OSBP2: variants seen among roughly 807,000 people sequenced by gnomAD.
OSBP2 encodes oxysterol binding protein 2.
Under a neutral mutation model 96.0 loss-of-function variants are expected in OSBP2, and 66 were observed. The observed-to-expected ratio is 0.69, with a 90% CI of 0.56 to 0.84. The LOEUF (loss-of-function observed/expected upper bound fraction) is 0.84. Among genes scored for constraint, OSBP2 ranks in the 40% least tolerant of loss-of-function variants. OSBP2 has a pLI of 0.00. For synonymous variants in OSBP2, 525 were observed against 520.9 expected (o/e 1.01, Z -0.11); for missense variants, 1,038 against 1,222.7 (o/e 0.85, Z 2.25).
intron 12 of OSBP2, among the ~76,000 whole-genome samples, chr22:30,897,952 GAAAAA>G (rs199929883): frequency 9.5e-6 from 1 of 105,388 alleles, no homozygotes; most frequent in Non-Finnish European, 2.0e-5. Flanking sequence ...TCCGTCTCAG[GAAAAA>G]AAAAAAAAAA....
chr22:30,786,602 G>A (rs1052853019), intron 2 of OSBP2, among the ~76,000 whole-genome samples: 1 of 151,834 alleles, frequency 6.6e-6, no homozygotes, highest in African/African-American at 2.4e-5. Context: ...AAAGGGTGAG[G>A]AGGAATTCAC....
At chr22:30,897,872 C>T (rs1047329921) in intron 12 of OSBP2, among the ~76,000 whole-genome samples, 18 of 151,502 alleles carry the variant, frequency 1.2e-4, no homozygotes, top group African/African-American at 4.4e-4. Context: ...ATCGCTTGAA[C>T]CTGGAAGGCA....
chr22:30,740,059 G>A lies in OSBP2; in HGVS notation c.645-1102G>A, dbSNP rs1200573151. On this transcript the variant is annotated intron_variant, in intron 1 of 13. Coordinates refer to ENST00000332585, the MANE Select transcript of OSBP2 (RefSeq NM_030758.4). Reference sequence around the variant, plus strand: ...CGGGATTTCACCATGTTGGCCAGCTGGTCTTGAACTCCTGACCTCGGGTGA... The same window carrying A: ...CGGGATTTCACCATGTTGGCCAGCTAGTCTTGAACTCCTGACCTCGGGTGA... 2.6e-5 allele frequency among the ~76,000 whole-genome samples: 4 copies of A among 152,228 alleles called. No individual in the cohort carries two copies. The South Asian group carries it at 6.2e-4, about 24-fold the overall frequency.
Position 30,695,429 on chromosome 22 carries a change from A to G in OSBP2, c.520A>G (p.Ser174Gly). ...AATGTCGGGGACTGGCACGACCTCC[A>G]GTGCCCCACTGGCCTTACTGCCTCT... Reference protein sequence around the residue: ...VPMSGTGTTSSAPLALLPLDS... With the variant: ...VPMSGTGTTSGAPLALLPLDS... The change falls in exon 1 of 14, where the codon AGT (serine) becomes GGT (glycine). Residue 174 changes from serine (S) to glycine (G), a missense_variant. By Grantham distance (56) the Ser-to-Gly change is moderately conservative. Coordinates refer to ENST00000332585, the MANE Select transcript of OSBP2 (RefSeq NM_030758.4). 1.2e-6 allele frequency: 2 copies of G among 1,613,734 alleles called. No homozygotes were observed. Among genetic ancestry groups the G allele is most frequent in the Non-Finnish European group, 1.7e-6 (2 of 1,180,022 alleles).
At chr22:30,743,132 G>C (rs1425346076) in intron 2 of OSBP2, among the ~76,000 whole-genome samples, 2 of 152,216 alleles carry the variant, frequency 1.3e-5, no homozygotes, top group East Asian at 1.9e-4. Flanking sequence ...AGGTGAGAAG[G>C]GGGCACAGCC....
intron 2 of OSBP2, among the ~76,000 whole-genome samples, chr22:30,758,325 C>G (rs573779553): frequency 3.3e-5 from 5 of 152,062 alleles, no homozygotes; most frequent in Non-Finnish European, 7.4e-5. Flanking sequence ...CACTTGATCC[C>G]GGGAGGAAGA....
intron 2 of OSBP2, among the ~76,000 whole-genome samples, chr22:30,847,304 A>G (rs536594199): frequency 6.7e-6 from 1 of 149,522 alleles, no homozygotes; most frequent in East Asian, 2.0e-4. Flanking sequence ...TTTCCCTGAG[A>G]GGGAGTCTTG....
At chr22:30,859,599 A>G (rs901030954) in intron 2 of OSBP2, among the ~76,000 whole-genome samples, 1 of 152,230 alleles carries the variant, frequency 6.6e-6, no homozygotes, top group Non-Finnish European at 1.5e-5. Context: ...CCACATGCCA[A>G]CGAGGGCTGA....
At chr22:30,894,161 C>T (rs1347538711) in intron 12 of OSBP2, 160 bp downstream of exon 12, 14 of 621,370 alleles carry the variant, frequency 2.3e-5, no homozygotes, top group African/African-American at 5.5e-5. Flanking sequence ...AGGCAGACAC[C>T]GAACAGTAAA....
rs549140664 is a variant in OSBP2 at position 30,749,850 on chromosome 22, T to A, written c.853+8481T>A. On this transcript the variant is annotated intron_variant, in intron 2 of 13. Transcript: ENST00000332585. Reference sequence around the variant, plus strand: ...CTTGAACTCCTGGCCTCAAGTGATCTGCCCACCTCAGCCTCCCAAAGTGGG... The same window carrying A: ...CTTGAACTCCTGGCCTCAAGTGATCAGCCCACCTCAGCCTCCCAAAGTGGG... 2.0e-5 allele frequency among the ~76,000 whole-genome samples: 3 copies of A among 152,090 alleles called. No homozygotes were observed. The South Asian group carries it at 6.2e-4, about 32-fold the overall frequency.
chr22:30,854,061 A>G (rs2039030449), intron 2 of OSBP2, among the ~76,000 whole-genome samples: 1 of 151,436 alleles, frequency 6.6e-6, no homozygotes, highest in Non-Finnish European at 1.5e-5. Flanking sequence ...GCCAGGCCTC[A>G]CCTCTCTTTT....
At chr22:30,797,724 TAGGACTAC>T (rs2090785267) in intron 2 of OSBP2, among the ~76,000 whole-genome samples, 1 of 151,892 alleles carries the variant, frequency 6.6e-6, no homozygotes, top group African/African-American at 2.4e-5. Context: ...CCTGAGTAAC[TAGGACTAC>T]AGGCGCCAGC....
At chr22:30,786,906 C>G (rs1197308188) in intron 2 of OSBP2, among the ~76,000 whole-genome samples, 1 of 152,176 alleles carries the variant, frequency 6.6e-6, no homozygotes, top group Non-Finnish European at 1.5e-5. Flanking sequence ...TCAAGCGATT[C>G]TCCTGCCTCA....
chr22:30,863,955 C>A (rs1361475368), intron 2 of OSBP2, among the ~76,000 whole-genome samples: 1 of 148,508 alleles, frequency 6.7e-6, no homozygotes, highest in Non-Finnish European at 1.5e-5. Flanking sequence ...CTCAAAGAAG[C>A]CATCATGTTT....
At chr22:30,755,098 C>A (rs893949457) in intron 2 of OSBP2, among the ~76,000 whole-genome samples, 1 of 152,216 alleles carries the variant, frequency 6.6e-6, no homozygotes, top group African/African-American at 2.4e-5. Context: ...CCAGGATCAG[C>A]TCACTTGTGT....
chr22:30,824,402 G>A (rs191123279), intron 2 of OSBP2, among the ~76,000 whole-genome samples: 4 of 150,370 alleles, frequency 2.7e-5, no homozygotes, highest in Admixed American at 6.6e-5. Flanking sequence ...GAGACCCTAG[G>A]GGGGAATACG....
rs767170279 is a variant in OSBP2 at position 30,906,249 on chromosome 22, G to C, written c.2661G>C (p.Pro887=). 1.9e-6 allele frequency: 3 copies of C among 1,614,178 alleles called. No individual in the cohort carries two copies. Among genetic ancestry groups the C allele is most frequent in the Non-Finnish European group, 2.5e-6 (3 of 1,180,030 alleles). ...TPLWFEKRLD[P]LTGEMACVYK... is the part of the protein sequence containing the mutation. ...TGTGGTTTGAGAAGAGGCTGGATCCGCTGACCGGGGAGATGGCCTGTGTGT... is the reference window on the plus strand; with the variant it reads ...TGTGGTTTGAGAAGAGGCTGGATCCCCTGACCGGGGAGATGGCCTGTGTGT... Residue 887 remains proline (P), a synonymous_variant, in exon 14 of 14, where the codon CCG becomes CCC. Transcript: ENST00000332585.
chr22:30,727,738 A>AGTAG (rs1217884642), intron 1 of OSBP2, among the ~76,000 whole-genome samples: 1 of 152,184 alleles, frequency 6.6e-6, no homozygotes, highest in Non-Finnish European at 1.5e-5. Context: ...AAAGTAGACA[A>AGTAG]ATAAGTGTTT....
intron 1 of OSBP2, among the ~76,000 whole-genome samples, chr22:30,711,506 A>C (rs1200280227): frequency 6.6e-6 from 1 of 152,038 alleles, no homozygotes; most frequent in Non-Finnish European, 1.5e-5. Context: ...TTTGGTAGCC[A>C]AGGTGGGTGG....
Sources: gnomAD v4.1 joint callset for allele counts (sites outside exome capture counted in the v4.1 genomes callset) on GRCh38, gnomAD v4.1.1 for gene constraint, MANE v1.5 for transcripts, NCBI Gene and HGNC (gene_info 2026-07-23, HGNC 2026-07-21) for gene names.